The following PSD3 variants were observed in gnomAD, a reference collection of about 807,000 sequenced individuals.
PSD3 encodes the protein PH and SEC7 domain-containing protein 3.
Under a neutral mutation model 105.5 loss-of-function variants are expected in PSD3, and 49 were observed. That is an observed-to-expected ratio of 0.46 (90% CI 0.37 to 0.59). The LOEUF is 0.59. Ranked by LOEUF, PSD3 falls within the 20% of genes least tolerant of loss-of-function variation. The probability of loss-of-function intolerance (pLI) is 0.00; values close to 1 mark genes in which losing one functional copy is unlikely to be tolerated. For synonymous variants in PSD3, 557 were observed against 457.8 expected (o/e 1.22, Z -2.77); for missense variants, 1,561 against 1,263.8 (o/e 1.24, Z -3.57).
At chr8:18,983,588 G>A (rs1297439406) in intron 1 of PSD3, among the ~76,000 whole-genome samples, 1 of 152,166 alleles carries the variant, frequency 6.6e-6, no homozygotes, top group Non-Finnish European at 1.5e-5. Context: ...GTGTCTCAGG[G>A]AATAGCGGGA....
At chr8:18,562,138 C>T (rs1008632396) in intron 14 of PSD3, among the ~76,000 whole-genome samples, 2 of 152,258 alleles carry the variant, frequency 1.3e-5, no homozygotes, top group African/African-American at 4.8e-5. Context: ...CCTCACCGAG[C>T]GCCCATACAG....
intron 9 of PSD3, among the ~76,000 whole-genome samples, chr8:18,714,236 A>C (rs1413050989): frequency 6.6e-6 from 1 of 152,212 alleles, no homozygotes; most frequent in Non-Finnish European, 1.5e-5. Flanking sequence ...TTTTATGATG[A>C]AAATGTCAAA....
chr8:19,048,013 C>G (rs952876050), intron 1 of PSD3, among the ~76,000 whole-genome samples: 2 of 152,142 alleles, frequency 1.3e-5, no homozygotes, highest in Non-Finnish European at 2.9e-5. Context: ...CAATGACCAA[C>G]TTGTCGGCAT....
chr8:18,951,846 G>A (rs1204235323), intron 1 of PSD3, among the ~76,000 whole-genome samples: 1 of 152,098 alleles, frequency 6.6e-6, no homozygotes, highest in Non-Finnish European at 1.5e-5. Flanking sequence ...ATTAGCTGGT[G>A]TGGTGGTGGG....
At chr8:18,905,265 T>C (rs1819765590) in intron 2 of PSD3, among the ~76,000 whole-genome samples, 1 of 152,218 alleles carries the variant, frequency 6.6e-6, no homozygotes, top group Non-Finnish European at 1.5e-5. Context: ...TCATCTTTCA[T>C]AACCTGAGCT....
chr8:18,819,895 A>G (rs1812550167), intron 4 of PSD3, among the ~76,000 whole-genome samples: 1 of 152,234 alleles, frequency 6.6e-6, no homozygotes, highest in Non-Finnish European at 1.5e-5. Flanking sequence ...TTTCTCATGC[A>G]TCAACCAGTG....
intron 9 of PSD3, among the ~76,000 whole-genome samples, chr8:18,739,157 G>A (rs1804373980): frequency 6.6e-6 from 1 of 152,074 alleles, no homozygotes; most frequent in East Asian, 1.9e-4. Flanking sequence ...ATATATTTAA[G>A]GAAGAATATT....
intron 9 of PSD3, among the ~76,000 whole-genome samples, chr8:18,731,116 C>CG (rs1309012374): frequency 5.1e-4 from 9 of 17,488 alleles, no homozygotes; most frequent in Admixed American, 1.3e-3. Context: ...ATTAGCTGGA[C>CG]GTGGGGGCGG....
intron 1 of PSD3, among the ~76,000 whole-genome samples, chr8:19,050,821 A>C (rs369243603): frequency 1.3e-5 from 2 of 152,136 alleles, no homozygotes; most frequent in African/African-American, 4.8e-5. Flanking sequence ...ATGTACCCTA[A>C]ATCTTAAAGT....
At chr8:18,848,835 C>A (rs569175827) in intron 4 of PSD3, among the ~76,000 whole-genome samples, 1 of 152,142 alleles carries the variant, frequency 6.6e-6, no homozygotes, top group South Asian at 2.1e-4. Flanking sequence ...TATTGTCATA[C>A]AAAAATGTGG....
intron 2 of PSD3, among the ~76,000 whole-genome samples, chr8:18,930,932 C>T (rs780010363): frequency 2.0e-5 from 3 of 152,148 alleles, no homozygotes; most frequent in Non-Finnish European, 2.9e-5. Flanking sequence ...AGCTCAGTAG[C>T]TCCACTTTCT....
intron 11 of PSD3, among the ~76,000 whole-genome samples, chr8:18,615,790 G>A (rs1182368577): frequency 2.0e-5 from 3 of 152,196 alleles, no homozygotes; most frequent in Admixed American, 6.5e-5. Flanking sequence ...CAGCAAATCA[G>A]GTTTCCTCAA....
intron 2 of PSD3, among the ~76,000 whole-genome samples, chr8:18,891,517 A>G (rs1220872514): frequency 6.6e-6 from 1 of 152,122 alleles, no homozygotes; most frequent in Non-Finnish European, 1.5e-5. Flanking sequence ...ATCCTAACCT[A>G]CAGTATCCAT....
intron 2 of PSD3, chr8:18,924,670 G>A (rs1001398377): frequency 6.6e-6 from 1 of 152,200 alleles, no homozygotes; most frequent in South Asian, 2.1e-4. Flanking sequence ...AGTAGGGGCT[G>A]AGCTGCCATG....
rs1799667645 is a variant in PSD3, at chr8:18,532,338, C to A, written c.*3405G>T. The A allele has an allele frequency of 6.6e-6, 1 of 152,220 alleles. No homozygotes were observed. The highest frequency in any genetic ancestry group is 2.1e-4 in the South Asian group (1 of 4,834). The allele number at this position is 152,220 out of a possible 1,614,324, so 9.4% of individuals were successfully genotyped here. A position where few individuals can be genotyped will look rare whatever the true frequency, so the allele number is the denominator to read the frequency against. On this transcript the variant is annotated 3_prime_UTR_variant, in exon 16 of 16. Coordinates refer to ENST00000327040, the MANE Select transcript of PSD3 (RefSeq NM_015310.4). ...AGGGTGAAATACAAACCTATCTTAG[C>A]CTTGGAAAGCCACCCAGATTTTCCT...
In PSD3 at chr8:18,655,693, G is replaced by A. The variant is rs765820700; in HGVS notation, c.2173-8C>T. 1.2e-6 allele frequency: 2 copies of A among 1,610,642 alleles called. No homozygotes were observed. Among genetic ancestry groups the A allele is most frequent in the South Asian group, 1.1e-5 (1 of 91,012 alleles). ...GATTGAGTTGTACAGAGCCTGTAAAGAGAGAAAATGAGATCACATTATTCT... is the reference window on the plus strand; with the variant it reads ...GATTGAGTTGTACAGAGCCTGTAAAAAGAGAAAATGAGATCACATTATTCT... On this transcript the variant is annotated splice_polypyrimidine_tract_variant and splice_region_variant and intron_variant, in intron 9 of 15. Transcript: ENST00000327040.
chr8:18,810,998 C>T (rs747595608), intron 4 of PSD3, among the ~76,000 whole-genome samples: 3 of 152,180 alleles, frequency 2.0e-5, no homozygotes, highest in Non-Finnish European at 2.9e-5. Flanking sequence ...TTTTGTCCAT[C>T]ATTATCTATG....
intron 11 of PSD3, among the ~76,000 whole-genome samples, chr8:18,618,009 T>G (rs1395264462): frequency 6.6e-6 from 1 of 152,204 alleles, no homozygotes; most frequent in Admixed American, 6.5e-5. Flanking sequence ...TCTTTTAAGG[T>G]CCAGTAAGAG....
chr8:18,821,636 T>C (rs893722625), intron 4 of PSD3, among the ~76,000 whole-genome samples: 3 of 151,250 alleles, frequency 2.0e-5, no homozygotes, highest in African/African-American at 7.3e-5. Context: ...CTGCTGCAGA[T>C]AATATTAAAT....
Sources: gnomAD v4.1 joint callset for allele counts (sites outside exome capture counted in the v4.1 genomes callset) on GRCh38, gnomAD v4.1.1 for gene constraint, MANE v1.5 for transcripts, NCBI Gene and HGNC (gene_info 2026-07-23, HGNC 2026-07-21) for gene names.